VOPP1: variants seen among roughly 807,000 people sequenced by gnomAD.
VOPP1 encodes VOPP1 WW domain binding protein, also known as WW domain binding protein VOPP1.
VOPP1 carries 8 observed loss-of-function variants against 23.5 expected under a neutral mutation model. The ratio of observed to expected loss-of-function variants is 0.34; its 90% confidence interval spans 0.20 to 0.61. The LOEUF (loss-of-function observed/expected upper bound fraction) is 0.61, where lower values mean the gene tolerates loss of function less well. VOPP1 is among the 20% of genes least tolerant of loss of function. The pLI is 0.78. For missense variants in VOPP1, 174 were observed against 238.1 expected, an observed-to-expected ratio of 0.73 and a Z score of 1.77; for synonymous variants, 83 against 97.3, an observed-to-expected ratio of 0.85 and a Z score of 0.86.
intron 4 of VOPP1, among the ~76,000 whole-genome samples, chr7:55,444,989 T>C (rs1791059408): frequency 6.6e-6 from 1 of 152,212 alleles, no homozygotes; most frequent in African/African-American, 2.4e-5. Context: ...CATTTCTTCT[T>C]GCTCTTTATG....
chr7:55,518,517 G>A (rs1795623151), intron 2 of VOPP1, among the ~76,000 whole-genome samples: 1 of 152,188 alleles, frequency 6.6e-6, no homozygotes, highest in African/African-American at 2.4e-5. Context: ...TTCTCTCACA[G>A]CCAAAACAGC....
intron 1 of VOPP1, among the ~76,000 whole-genome samples, chr7:55,538,915 A>G (rs546780122): frequency 6.6e-6 from 1 of 152,208 alleles, no homozygotes; most frequent in South Asian, 2.1e-4. Context: ...ACAATCTTAA[A>G]AAAAAAAGTT....
chr7:55,540,445 A>AT (rs1797079105), intron 1 of VOPP1, among the ~76,000 whole-genome samples: 1 of 141,690 alleles, frequency 7.1e-6, no homozygotes, highest in Non-Finnish European at 1.5e-5. Flanking sequence ...AAATAAATAA[A>AT]AATAAATGAA....
chr7:55,477,353 T>C (rs961218891), intron 4 of VOPP1, among the ~76,000 whole-genome samples: 1 of 152,178 alleles, frequency 6.6e-6, no homozygotes, highest in African/African-American at 2.4e-5. Context: ...GAGGAGTGAC[T>C]GAAGGGGGGA....
Position 55,492,358 on chromosome 7 carries a change from G to T in VOPP1, c.252C>A (p.Arg84=). ...CCGAGFFIRR[R]MYPPPLIEEP... ...CCTCGATCAGCGGCGGGGGGTACAT[G>T]CGCCTCCGGATGAAGAAGCCGGCTC... Residue 84 remains arginine, a synonymous_variant, in exon 4 of 5, where the codon CGC becomes CGA. Transcript: ENST00000285279. 1.2e-6 allele frequency: 2 copies of T among 1,608,674 alleles called. No individual in the cohort carries two copies. The highest frequency in any genetic ancestry group is 8.5e-7 in the Non-Finnish European group (1 of 1,177,652).
chr7:55,439,394 G>A (rs1790910036), intron 4 of VOPP1, among the ~76,000 whole-genome samples: 3 of 152,164 alleles, frequency 2.0e-5, no homozygotes, highest in Non-Finnish European at 4.4e-5. Flanking sequence ...GAGGTCTGCG[G>A]TGAACTCCTC....
intron 4 of VOPP1, among the ~76,000 whole-genome samples, chr7:55,463,863 G>T (rs1791568358): frequency 6.6e-6 from 1 of 152,214 alleles, no homozygotes; most frequent in Admixed American, 6.5e-5. Context: ...AGCAGGCAGG[G>T]CTGGTCAATC....
intron 4 of VOPP1, among the ~76,000 whole-genome samples, chr7:55,463,812 T>A (rs911775910): frequency 6.6e-6 from 1 of 152,208 alleles, no homozygotes; most frequent in African/African-American, 2.4e-5. Flanking sequence ...AGGGCGGGCC[T>A]GCCCTCAGGC....
At chr7:55,564,400 G>A (rs1361523193) in intron 1 of VOPP1, among the ~76,000 whole-genome samples, 1 of 152,034 alleles carries the variant, frequency 6.6e-6, no homozygotes, top group Non-Finnish European at 1.5e-5. Context: ...AGAGAATGAG[G>A]CCAACTAAAG....
At chr7:55,500,121 G>A (rs1449904084) in intron 2 of VOPP1, among the ~76,000 whole-genome samples, 2 of 152,202 alleles carry the variant, frequency 1.3e-5, no homozygotes, top group Non-Finnish European at 2.9e-5. Flanking sequence ...GAGTTTAGGA[G>A]TGTGGAAGGC....
chr7:55,547,484 C>A (rs1196109372), intron 1 of VOPP1, among the ~76,000 whole-genome samples: 1 of 152,150 alleles, frequency 6.6e-6, no homozygotes, highest in East Asian at 1.9e-4. Context: ...ATAAACCTTG[C>A]CAACTTTTTG....
At chr7:55,440,629 T>C (rs1042518991) in intron 4 of VOPP1, among the ~76,000 whole-genome samples, 7 of 152,162 alleles carry the variant, frequency 4.6e-5, no homozygotes, top group Admixed American at 1.3e-4. Flanking sequence ...CTTCCCCATT[T>C]GAGCGGCTGT....
At chr7:55,498,417 G>A (rs1462478185) in intron 2 of VOPP1, among the ~76,000 whole-genome samples, 1 of 140,268 alleles carries the variant, frequency 7.1e-6, no homozygotes, top group African/African-American at 2.7e-5. Flanking sequence ...GCTGTTCCCA[G>A]AGAGCTGCCT....
chr7:55,436,274 C>T (rs1208005680), intron 4 of VOPP1: 1 of 152,236 alleles, frequency 6.6e-6, no homozygotes, highest in Non-Finnish European at 1.5e-5. Context: ...TTGTGTTCAC[C>T]TCTGAGCTCA....
At chr7:55,544,216 C>T (rs900237888) in intron 1 of VOPP1, among the ~76,000 whole-genome samples, 1 of 152,218 alleles carries the variant, frequency 6.6e-6, no homozygotes, top group Admixed American at 6.5e-5. Flanking sequence ...CAAAAATCAA[C>T]TGGCTGTAAA....
chr7:55,546,070 T>TA (rs915641134), intron 1 of VOPP1, among the ~76,000 whole-genome samples: 28 of 151,712 alleles, frequency 1.8e-4, no homozygotes, highest in African/African-American at 6.3e-4. Flanking sequence ...CTGTCTCAAT[T>TA]AAAAAAAATA....
intron 1 of VOPP1, among the ~76,000 whole-genome samples, chr7:55,534,759 C>T (rs980706276): frequency 1.3e-5 from 2 of 152,226 alleles, no homozygotes; most frequent in African/African-American, 4.8e-5. Flanking sequence ...AGAAGAACCT[C>T]ACACCAGACA....
intron 4 of VOPP1, among the ~76,000 whole-genome samples, chr7:55,449,587 A>G (rs766365188): frequency 6.6e-5 from 10 of 152,192 alleles, no homozygotes; most frequent in Non-Finnish European, 1.5e-4. Flanking sequence ...GCGCAGGGGA[A>G]CCCTGAAGGC....
intron 1 of VOPP1, among the ~76,000 whole-genome samples, chr7:55,564,604 T>G (rs986302977): frequency 6.6e-6 from 1 of 152,194 alleles, no homozygotes; most frequent in Admixed American, 6.5e-5. Flanking sequence ...TGACAAAGTT[T>G]CTTCTTAATC....
Sources: allele counts gnomAD v4.1 joint callset (sites outside exome capture counted in the v4.1 genomes callset), GRCh38; gene constraint gnomAD v4.1.1; transcripts MANE v1.5; gene names NCBI Gene and HGNC (gene_info 2026-07-23, HGNC 2026-07-21).